Variants in CFAP299 observed in about 807,000 individuals in gnomAD.
The protein encoded by CFAP299 is cilia- and flagella-associated protein 299.
In CFAP299, 21 loss-of-function variants were observed where a neutral mutation model predicts 27.0. That is an observed-to-expected ratio of 0.78 (90% confidence interval 0.55 to 1.12). The LOEUF is 1.12. CFAP299 is among the 50% of genes most tolerant of loss of function. The pLI, the probability that CFAP299 is intolerant of heterozygous loss-of-function variation, is 0.00. For missense variants in CFAP299, 310 were observed against 276.6 expected (o/e 1.12, Z -0.86); for synonymous variants, 104 against 98.1 (o/e 1.06, Z -0.36).
intron 3 of CFAP299, among the ~76,000 whole-genome samples, chr4:80,740,816 T>C (rs4413401): frequency 0.35 from 52,973 of 152,006 alleles, 11,550 homozygotes; most frequent in African/African-American, 0.61. Context: ...CTCCTGGTGG[T>C]CATTACCACC....
intron 3 of CFAP299, among the ~76,000 whole-genome samples, chr4:80,592,039 A>G (rs1736814663): frequency 6.6e-6 from 1 of 152,226 alleles, no homozygotes; most frequent in Non-Finnish European, 1.5e-5. Context: ...TAAGAAAGCT[A>G]TTATTTCTTT....
intron 4 of CFAP299, among the ~76,000 whole-genome samples, chr4:80,935,428 C>G (rs1736840304): frequency 6.6e-6 from 1 of 151,926 alleles, no homozygotes; most frequent in African/African-American, 2.4e-5. Context: ...ACTATCTTAT[C>G]TTTGACAAAT....
At position 80,865,183 on chromosome 4, in the gene CFAP299, G is replaced by A. The variant is rs1449494312; in HGVS notation, c.334-4810G>A. Among the ~76,000 whole-genome samples the A allele has an allele frequency of 3.3e-5, 5 of 152,150 alleles. No individual in the cohort carries two copies. In the South Asian group the frequency reaches 1.0e-3, roughly 32 times the overall value. On this transcript the variant is annotated intron_variant, in intron 3 of 5. Transcript: ENST00000358105. ...AATAAAATGTTTGAAACAATTAAAT[G>A]AGATAATGAATGTGAAGCTTTTAAA...
chr4:80,799,919 T>TA (rs1271462934), intron 3 of CFAP299, among the ~76,000 whole-genome samples: 2 of 43,870 alleles, frequency 4.6e-5, no homozygotes, highest in Admixed American at 4.4e-4. Flanking sequence ...TAATATATAA[T>TA]ATATATATTT....
At chr4:80,541,858 G>T (rs1297999669) in intron 2 of CFAP299, among the ~76,000 whole-genome samples, 1 of 151,998 alleles carries the variant, frequency 6.6e-6, no homozygotes, top group Non-Finnish European at 1.5e-5. Context: ...GGAGTTTCAA[G>T]TTGTTTACCT....
intron 2 of CFAP299, among the ~76,000 whole-genome samples, chr4:80,519,593 A>G (rs1435578835): frequency 6.6e-6 from 1 of 152,194 alleles, no homozygotes; most frequent in Non-Finnish European, 1.5e-5. Flanking sequence ...ACTCAAAAAT[A>G]TAACAACAGA....
At chr4:80,962,487 A>G (rs554895357) in intron 5 of CFAP299, among the ~76,000 whole-genome samples, 47 of 152,108 alleles carry the variant, frequency 3.1e-4, no homozygotes, top group Non-Finnish European at 6.5e-4. Context: ...AGCATGGCAC[A>G]TGTATACATA....
intron 3 of CFAP299, among the ~76,000 whole-genome samples, chr4:80,673,973 C>T (rs184399502): frequency 6.6e-6 from 1 of 151,258 alleles, no homozygotes; most frequent in Non-Finnish European, 1.5e-5. Flanking sequence ...TGACTTTTAT[C>T]CAATTTGCCA....
At chr4:80,946,367 C>T (rs1578259424) in intron 5 of CFAP299, among the ~76,000 whole-genome samples, 3 of 152,162 alleles carry the variant, frequency 2.0e-5, no homozygotes, top group Admixed American at 2.0e-4. Context: ...CCAAAATAAC[C>T]ACATTCAAAA....
chr4:80,369,785 G>A (rs913596090), intron 2 of CFAP299, among the ~76,000 whole-genome samples: 15 of 152,176 alleles, frequency 9.9e-5, no homozygotes, highest in Admixed American at 3.3e-4. Flanking sequence ...CATGCACATC[G>A]GTTTTTAATA....
intron 3 of CFAP299, among the ~76,000 whole-genome samples, chr4:80,642,040 G>A (rs1372436133): frequency 6.6e-6 from 1 of 152,224 alleles, no homozygotes. Context: ...TAATGGGGCA[G>A]AAAGGTTCTG....
intron 2 of CFAP299, among the ~76,000 whole-genome samples, chr4:80,559,047 G>A (rs1198834154): frequency 6.6e-6 from 1 of 152,140 alleles, no homozygotes; most frequent in Non-Finnish European, 1.5e-5. Flanking sequence ...CACAAATTGT[G>A]CAGGTCTTGG....
chr4:80,385,871 C>A (rs17004889), intron 2 of CFAP299, among the ~76,000 whole-genome samples: 21,711 of 152,266 alleles, frequency 0.14, 1,849 homozygotes, highest in East Asian at 0.25. Context: ...CCAGGGGACG[C>A]AACTACCAGC....
At chr4:80,585,628 A>G (rs2109876333) in intron 3 of CFAP299, among the ~76,000 whole-genome samples, 1 of 152,258 alleles carries the variant, frequency 6.6e-6, no homozygotes, top group South Asian at 2.1e-4. Context: ...AGCTACTGAG[A>G]TGAAGGTGAT....
intron 2 of CFAP299, among the ~76,000 whole-genome samples, chr4:80,446,517 T>C (rs1728622127): frequency 2.0e-5 from 3 of 152,256 alleles, no homozygotes; most frequent in African/African-American, 7.2e-5. Flanking sequence ...TTCTATCCTC[T>C]ACTTAAGTAA....
chr4:80,824,908 C>T (rs973194765), intron 3 of CFAP299, among the ~76,000 whole-genome samples: 7 of 151,842 alleles, frequency 4.6e-5, no homozygotes, highest in African/African-American at 1.7e-4. Flanking sequence ...TTCAAAGGAA[C>T]AAAAAATTTC....
intron 3 of CFAP299, among the ~76,000 whole-genome samples, chr4:80,850,175 T>G (rs1731431340): frequency 1.3e-5 from 2 of 152,040 alleles, no homozygotes; most frequent in South Asian, 2.1e-4. Flanking sequence ...GTACAAAAAT[T>G]GAAAACACTG....
rs77950802 is a variant in CFAP299, at chr4:80,391,907, C to T, written c.242+29023C>T. 9.2e-4 allele frequency among the ~76,000 whole-genome samples: 140 copies of T among 152,268 alleles called. 1 individual carries two copies. Among genetic ancestry groups the T allele is most frequent in the South Asian group, 6.8e-3 (33 of 4,824 alleles). ...TGGTGTGTACCCCAAAAAGCCACAG[C>T]GGTGGAGCTGCCCAAGTCCATGGGA... On this transcript the variant is annotated intron_variant, in intron 2 of 5. Transcript: ENST00000358105.
chr4:80,363,751 C>G lies in CFAP299; in HGVS notation c.242+867C>G, dbSNP rs1015732448. 5.3e-4 allele frequency among the ~76,000 whole-genome samples: 81 copies of G among 152,070 alleles called. 1 individual carries two copies. The highest frequency in any genetic ancestry group is 1.5e-4 in the Non-Finnish European group (10 of 68,010). On this transcript the variant is annotated intron_variant, in intron 2 of 5. Transcript: ENST00000358105. ...TGATATTTGGGAATATATTAGTTTTCTATTGCTGCCATAACACGTTATTAC... is the reference window on the plus strand; with the variant it reads ...TGATATTTGGGAATATATTAGTTTTGTATTGCTGCCATAACACGTTATTAC...
Sources: allele counts gnomAD v4.1 joint callset (sites outside exome capture counted in the v4.1 genomes callset), GRCh38; gene constraint gnomAD v4.1.1; transcripts MANE v1.5; gene names NCBI Gene and HGNC (gene_info 2026-07-23, HGNC 2026-07-21).